The following OCA2 variants were observed in gnomAD, a reference collection of about 807,000 sequenced individuals.
OCA2 encodes P protein.
Under a neutral mutation model 100.2 loss-of-function variants are expected in OCA2, and 77 were observed. The observed-to-expected ratio is 0.77, with a 90% CI of 0.64 to 0.93. OCA2 has a LOEUF of 0.93. Ranked by LOEUF, OCA2 falls within the 40% of genes least tolerant of loss-of-function variation. OCA2 has a pLI of 0.00. For missense variants in OCA2, 1,062 were observed against 1,089.1 expected, an observed-to-expected ratio of 0.98 and a Z score of 0.35; for synonymous variants, 432 against 439.2, an observed-to-expected ratio of 0.98 and a Z score of 0.21.
At chr15:27,922,227 A>G (rs1257665974) in intron 19 of OCA2, among the ~76,000 whole-genome samples, 2 of 152,198 alleles carry the variant, frequency 1.3e-5, no homozygotes, top group Non-Finnish European at 2.9e-5. Context: ...CAGCATCACT[A>G]ATGGCACTTG....
At chr15:28,022,211 G>T (rs959603073) in intron 6 of OCA2, among the ~76,000 whole-genome samples, 1 of 152,200 alleles carries the variant, frequency 6.6e-6, no homozygotes, top group Non-Finnish European at 1.5e-5. Flanking sequence ...GACGGGGGAG[G>T]AAAGGAGTAT....
chr15:27,874,939 G>A (rs2036727251), intron 19 of OCA2, among the ~76,000 whole-genome samples: 1 of 152,100 alleles, frequency 6.6e-6, no homozygotes, highest in Non-Finnish European at 1.5e-5. Flanking sequence ...AAAACTTGAG[G>A]GATGCAGCTA....
chr15:27,997,449 G>A (rs2041786423), intron 9 of OCA2, among the ~76,000 whole-genome samples: 1 of 150,344 alleles, frequency 6.7e-6, no homozygotes, highest in Non-Finnish European at 1.5e-5. Flanking sequence ...TTTCCCCATT[G>A]CTTGTTTTTC....
chr15:27,911,005 G>T (rs2038375706), intron 19 of OCA2, among the ~76,000 whole-genome samples: 1 of 151,938 alleles, frequency 6.6e-6, no homozygotes, highest in Admixed American at 6.6e-5. Flanking sequence ...TACAAGACAG[G>T]TACATCAGCT....
At chr15:28,074,977 G>A (rs1023363429) in intron 2 of OCA2, among the ~76,000 whole-genome samples, 3 of 152,174 alleles carry the variant, frequency 2.0e-5, no homozygotes, top group Admixed American at 1.3e-4. Context: ...ACATCTATAA[G>A]CAAAATATAA....
At chr15:27,926,402 G>A (rs2039044832) in intron 18 of OCA2, 148 bp from the exon 19 acceptor site, 2 of 877,072 alleles carry the variant, frequency 2.3e-6, no homozygotes, top group Admixed American at 2.1e-5. Flanking sequence ...TTTCTATTTG[G>A]TTATGTGTAT....
At chr15:27,884,199 T>C (rs1375446887) in intron 19 of OCA2, among the ~76,000 whole-genome samples, 1 of 152,162 alleles carries the variant, frequency 6.6e-6, no homozygotes, top group African/African-American at 2.4e-5. Flanking sequence ...CTGGTCAATG[T>C]GGCGAAACCT....
At chr15:27,746,172 T>G in the OCA2 span, among the ~76,000 whole-genome samples, 2 of 152,154 alleles carry the variant, frequency 1.3e-5, no homozygotes, top group African/African-American at 4.8e-5. Flanking sequence ...AATTAGAACT[T>G]TTTGGCTGGA....
At chr15:27,898,724 G>C (rs2037808016) in intron 19 of OCA2, among the ~76,000 whole-genome samples, 1 of 152,154 alleles carries the variant, frequency 6.6e-6, no homozygotes, top group African/African-American at 2.4e-5. Context: ...TCTTTACATT[G>C]TTGTGACTTC....
chr15:28,010,899 A>G (rs530771837), intron 9 of OCA2, among the ~76,000 whole-genome samples: 2 of 152,356 alleles, frequency 1.3e-5, no homozygotes, highest in African/African-American at 4.8e-5. Context: ...AAAAAAAATA[A>G]TAAGTGTGAG....
rs1175658810 is a variant in OCA2, at chr15:28,081,765, C to T, written c.110G>A (p.Arg37Lys). ...AGCTCCACCGGCTCCCCGAGGAAGC[C>T]TGCGCTTGCCGGCCACAAGTTCAGC... ...GLAELVAGKR[R>K]LPRGAGGADP... is the part of the protein sequence containing the mutation. Residue 37 changes from arginine (R) to lysine (K), a missense_variant, in exon 2 of 24, where the codon AGG (arginine) becomes AAG (lysine). Physicochemically the swap from Arg to Lys is conservative, Grantham distance 26 (BLOSUM62 2). Transcript: ENST00000354638. The T allele has an allele frequency of 6.2e-7, 1 of 1,613,402 alleles. No homozygotes were observed. Among genetic ancestry groups the T allele is most frequent in the African/African-American group, 1.3e-5 (1 of 75,060 alleles).
chr15:28,000,730 T>C (rs1355575930), intron 9 of OCA2, among the ~76,000 whole-genome samples: 2 of 152,144 alleles, frequency 1.3e-5, no homozygotes, highest in Non-Finnish European at 2.9e-5. Context: ...GGGGTTAATA[T>C]TGAACATATG....
intron 23 of OCA2, among the ~76,000 whole-genome samples, chr15:27,787,883 T>G (rs1290180933): frequency 6.6e-6 from 1 of 152,010 alleles, no homozygotes; most frequent in Non-Finnish European, 1.5e-5. Context: ...AATTTTCTTC[T>G]AAACACTGCT....
intron 23 of OCA2, among the ~76,000 whole-genome samples, chr15:27,790,126 AACAG>A (rs1231535990): frequency 2.0e-5 from 3 of 150,286 alleles, no homozygotes; most frequent in East Asian, 3.9e-4. Context: ...AAAAGACCTT[AACAG>A]ACAGTTCACC....
intron 2 of OCA2, among the ~76,000 whole-genome samples, chr15:28,049,197 T>C (rs1438883140): frequency 6.6e-6 from 1 of 152,168 alleles, no homozygotes; most frequent in Non-Finnish European, 1.5e-5. Flanking sequence ...AAAGAAGATA[T>C]ACAGAAGGCC....
At chr15:28,001,046 A>T (rs975571747) in intron 9 of OCA2, among the ~76,000 whole-genome samples, 7 of 152,154 alleles carry the variant, frequency 4.6e-5, no homozygotes, top group African/African-American at 1.7e-4. Flanking sequence ...AGCAATATAG[A>T]ACTTTCACCA....
At chr15:27,947,740 G>A (rs2039892160) in intron 18 of OCA2, among the ~76,000 whole-genome samples, 1 of 152,200 alleles carries the variant, frequency 6.6e-6, no homozygotes, top group Non-Finnish European at 1.5e-5. Context: ...AGACAGCCCT[G>A]AGGTGCATTT....
chr15:27,876,166 T>C (rs1156810606), intron 19 of OCA2, among the ~76,000 whole-genome samples: 2 of 152,110 alleles, frequency 1.3e-5, no homozygotes, highest in Non-Finnish European at 2.9e-5. Flanking sequence ...ATGCCTTTCA[T>C]CAGTTTGAGA....
chr15:27,848,941 CAT>C (rs1567020409), intron 22 of OCA2, among the ~76,000 whole-genome samples: 49 of 124,148 alleles, frequency 3.9e-4, no homozygotes, highest in African/African-American at 1.1e-3. Flanking sequence ...AACACAGCCA[CAT>C]GCTGCCTGGA....
Sources: gnomAD v4.1 joint callset for allele counts (sites outside exome capture counted in the v4.1 genomes callset) on GRCh38, gnomAD v4.1.1 for gene constraint, MANE v1.5 for transcripts, NCBI Gene and HGNC (gene_info 2026-07-23, HGNC 2026-07-21) for gene names.